The following ZC3H3 variants were observed in gnomAD, a reference collection of about 807,000 sequenced individuals.
The protein encoded by ZC3H3 is zinc finger CCCH domain-containing protein 3.
In ZC3H3, 36 loss-of-function variants were observed where a neutral mutation model predicts 77.3. The observed-to-expected ratio is 0.47, with a 90% CI of 0.36 to 0.61. The LOEUF is 0.61. Ranked by LOEUF, ZC3H3 falls within the 20% of genes least tolerant of loss-of-function variation. ZC3H3 has a pLI of 0.00. For missense variants in ZC3H3, 1,331 were observed against 1,312.2 expected (o/e 1.01, Z -0.22); for synonymous variants, 626 against 555.2 (o/e 1.13, Z -1.79).
intron 3 of ZC3H3, among the ~76,000 whole-genome samples, chr8:143,510,918 G>A (rs376343498): frequency 2.6e-5 from 4 of 152,120 alleles, no homozygotes; most frequent in Admixed American, 6.5e-5. Flanking sequence ...CCCGGCCCGC[G>A]TTATCAGCCC....
intron 8 of ZC3H3, among the ~76,000 whole-genome samples, chr8:143,467,025 A>T (rs181404767): frequency 6.6e-6 from 1 of 152,112 alleles, no homozygotes; most frequent in African/African-American, 2.4e-5. Flanking sequence ...GGAGGGAGGG[A>T]GAAGGCAAAG....
In ZC3H3 at chr8:143,478,559, G is replaced by A. The variant is rs531498079; in HGVS notation, c.1716-2974C>T. 3.9e-5 allele frequency among the ~76,000 whole-genome samples: 6 copies of A among 152,372 alleles called. No individual in the cohort carries two copies. In the South Asian group the frequency reaches 1.2e-3, roughly 32 times the overall value. ...AGTTTTGCTCTTGTGACCCAGGCTA[G>A]AGTGCAATGGTGCGATCTCGGCTCA... On this transcript the variant is annotated intron_variant, in intron 4 of 11. Coordinates refer to ENST00000262577, the MANE Select transcript of ZC3H3 (RefSeq NM_015117.3).
intron 4 of ZC3H3, among the ~76,000 whole-genome samples, chr8:143,482,120 T>C (rs1261742401): frequency 1.3e-5 from 2 of 152,242 alleles, no homozygotes; most frequent in African/African-American, 4.8e-5. Context: ...CAGGTCCTGC[T>C]GGCCACAGCC....
chr8:143,510,622 G>A (rs543756606), intron 3 of ZC3H3, among the ~76,000 whole-genome samples: 3 of 152,340 alleles, frequency 2.0e-5, no homozygotes, highest in South Asian at 2.1e-4. Context: ...CAGCGATGGC[G>A]TGGGCAGGTG....
At chr8:143,490,686 A>G (rs911930420) in intron 4 of ZC3H3, among the ~76,000 whole-genome samples, 1 of 152,194 alleles carries the variant, frequency 6.6e-6, no homozygotes, top group Non-Finnish European at 1.5e-5. Flanking sequence ...AGGCCAAGGC[A>G]GGCGGATCAC....
At chr8:143,454,111 A>C (rs1820055178) in intron 9 of ZC3H3, among the ~76,000 whole-genome samples, 1 of 144,380 alleles carries the variant, frequency 6.9e-6, no homozygotes. Context: ...ATGGAGTTTC[A>C]CTCTTGTTGC....
At chr8:143,502,649 A>T (rs1167851275) in intron 4 of ZC3H3, among the ~76,000 whole-genome samples, 1 of 152,258 alleles carries the variant, frequency 6.6e-6, no homozygotes, top group Non-Finnish European at 1.5e-5. Flanking sequence ...ATGTCAAATG[A>T]ATTTGGAAAG....
chr8:143,444,692 T>C (rs1467532042), intron 9 of ZC3H3, among the ~76,000 whole-genome samples: 1 of 152,240 alleles, frequency 6.6e-6, no homozygotes, highest in Non-Finnish European at 1.5e-5. Flanking sequence ...ATTTAGCAAA[T>C]TAGTGATTGA....
At chr8:143,536,559 G>C (rs1336564028) in intron 2 of ZC3H3, 106 bp from the exon 3 acceptor site, 1 of 1,226,788 alleles carries the variant, frequency 8.2e-7, no homozygotes, top group African/African-American at 1.5e-5. Context: ...CTGAAGGCCA[G>C]GACCAGGCCA....
intron 9 of ZC3H3, among the ~76,000 whole-genome samples, chr8:143,455,800 C>T (rs1476450285): frequency 6.6e-6 from 1 of 151,096 alleles, no homozygotes; most frequent in African/African-American, 2.4e-5. Flanking sequence ...TGGTGAAACC[C>T]CGTCTCTATT....
At position 143,441,073 on chromosome 8, in the gene ZC3H3, C is replaced by G; in HGVS notation, c.2355G>C (p.Gly785=). The G allele has an allele frequency of 6.8e-7, 1 of 1,471,366 alleles. No homozygotes were observed. Among genetic ancestry groups the G allele is most frequent in the Non-Finnish European group, 8.9e-7 (1 of 1,122,600 alleles). The allele number at this position is 1,471,366 out of a possible 1,614,324, so 91.1% of individuals were successfully genotyped here. ...TLLCPDFARR[G]ACPRGAQCQL... is the part of the protein sequence containing the mutation. Reference sequence around the variant, plus strand: ...GGCACTGGGCGCCGCGGGGACACGCCCCCCTGCGGGCAAAGTCGGGGCACA... The same window carrying G: ...GGCACTGGGCGCCGCGGGGACACGCGCCCCTGCGGGCAAAGTCGGGGCACA... Residue 785 remains glycine (G), a synonymous_variant, in exon 10 of 12, where the codon GGG becomes GGC. Transcript: ENST00000262577.
In ZC3H3 at chr8:143,462,475, A is replaced by T. The variant is rs546106393; in HGVS notation, c.2307+3242T>A. On this transcript the variant is annotated intron_variant, in intron 9 of 11. Transcript: ENST00000262577. The surrounding 1 kb of genome is among the most constrained non-coding windows in gnomAD (Gnocchi z 4.7). ...GGCGAAAGCAAGGCACCAACAGAGA[A>T]GCGCTGTATGTGAACAAAACCAAGA... Among the ~76,000 whole-genome samples, 2 of 152,234 alleles carry T rather than the reference A, an allele frequency of 1.3e-5. No individual in the cohort carries two copies. Among genetic ancestry groups the T allele is most frequent in the Non-Finnish European group, 2.9e-5 (2 of 68,046 alleles).
intron 3 of ZC3H3, among the ~76,000 whole-genome samples, chr8:143,532,961 G>C (rs977202442): frequency 2.6e-5 from 4 of 152,134 alleles, no homozygotes; most frequent in South Asian, 2.1e-4. Flanking sequence ...ACATCTCCAC[G>C]GGCTCCCTGC....
intron 9 of ZC3H3, among the ~76,000 whole-genome samples, chr8:143,450,518 G>T (rs1285437816): frequency 2.0e-5 from 3 of 152,142 alleles, no homozygotes; most frequent in African/African-American, 7.2e-5. Context: ...GGTTTAATTG[G>T]CTCACAGTTC....
intron 3 of ZC3H3, among the ~76,000 whole-genome samples, chr8:143,516,084 C>T (rs1822030217): frequency 6.6e-6 from 1 of 152,208 alleles, no homozygotes; most frequent in Non-Finnish European, 1.5e-5. Flanking sequence ...CAGGCCCGTC[C>T]ATTTCTCTAA....
intron 9 of ZC3H3, among the ~76,000 whole-genome samples, chr8:143,454,073 C>T (rs1484900706): frequency 1.0e-5 from 1 of 96,488 alleles, no homozygotes; most frequent in Non-Finnish European, 1.9e-5. Flanking sequence ...CAATTCATAA[C>T]TTTTTCTTTT....
intron 9 of ZC3H3, among the ~76,000 whole-genome samples, chr8:143,463,835 C>T (rs55973149): frequency 0.041 from 6,211 of 152,284 alleles, 412 homozygotes; most frequent in African/African-American, 0.14. Flanking sequence ...GGAGGGCAGG[C>T]GGCATCTGGC....
Position 143,537,993 on chromosome 8 carries a change from G to C in ZC3H3, c.1364+10C>G. ...CCTCACACTCTACCGCAGCCGGCCGGGATGCCCACCTTGTGCTGCTGCGTC... is the reference window on the plus strand; with the variant it reads ...CCTCACACTCTACCGCAGCCGGCCGCGATGCCCACCTTGTGCTGCTGCGTC... On this transcript the variant is annotated intron_variant, in intron 2 of 11. Coordinates refer to ENST00000262577, the MANE Select transcript of ZC3H3 (RefSeq NM_015117.3). 1 of 1,589,310 alleles carries C rather than the reference G, an allele frequency of 6.3e-7. No individual in the cohort carries two copies. Among genetic ancestry groups the C allele is most frequent in the Non-Finnish European group, 8.6e-7 (1 of 1,167,140 alleles).
chr8:143,509,066 C>T (rs1821796066), intron 3 of ZC3H3, among the ~76,000 whole-genome samples: 2 of 152,250 alleles, frequency 1.3e-5, no homozygotes, highest in South Asian at 2.1e-4. Context: ...CAGCAAAGAG[C>T]CCCTCCCTCA....
Sources: allele counts gnomAD v4.1 joint callset (sites outside exome capture counted in the v4.1 genomes callset), GRCh38; gene constraint gnomAD v4.1.1; non-coding constraint Gnocchi (gnomAD v3.1); transcripts MANE v1.5; gene names NCBI Gene and HGNC (gene_info 2026-07-23, HGNC 2026-07-21).